Variants in JMJD1C observed in about 807,000 individuals in gnomAD.
JMJD1C encodes the protein jumonji domain containing 1C, also known as jumonji domain-containing protein 1C.
Under a neutral mutation model 245.3 loss-of-function variants are expected in JMJD1C, and 31 were observed. The observed-to-expected ratio is 0.13, with a 90% confidence interval of 0.09 to 0.17. The LOEUF is 0.17. Among genes scored for constraint, JMJD1C ranks in the 10% least tolerant of loss-of-function variants. The pLI, the probability that JMJD1C is intolerant of heterozygous loss-of-function variation, is 1.00. For synonymous variants in JMJD1C, 1,057 were observed against 1,017.4 expected (o/e 1.04, Z -0.74); for missense variants, 2,691 against 3,000.2 (o/e 0.90, Z 2.41).
intron 1 of JMJD1C, among the ~76,000 whole-genome samples, chr10:63,426,384 G>C (rs992951293): frequency 3.3e-5 from 5 of 151,980 alleles, no homozygotes; most frequent in African/African-American, 1.2e-4. Context: ...AAACGTAAGA[G>C]ACTGTATTAC....
chr10:63,248,858 A>G (rs1852650147), intron 3 of JMJD1C, among the ~76,000 whole-genome samples: 1 of 152,256 alleles, frequency 6.6e-6, no homozygotes, highest in African/African-American at 2.4e-5. Context: ...GATATAGGAA[A>G]TGTGGTATAC....
At chr10:63,409,515 A>G (rs925390063) in intron 1 of JMJD1C, among the ~76,000 whole-genome samples, 3 of 152,342 alleles carry the variant, frequency 2.0e-5, no homozygotes, top group East Asian at 1.9e-4. Context: ...AGTAAAAACT[A>G]TATTTTACAT....
rs904199841 is a variant in JMJD1C at position 63,521,540 on chromosome 10, G to A, written n.113+198C>T. 5.8e-6 allele frequency: 8 copies of A among 1,386,520 alleles called. No homozygotes were observed. The African/African-American group carries it at 7.6e-5, about 13-fold the overall frequency. 85.9% of individuals were successfully genotyped at this position (1,386,520 alleles called of 1,614,324 possible). ...CCCCGGACGTGGGGCCCAAGCCCCC[G>A]TGAAGATGGTGTCCTGGATGATCTC... On this transcript the variant is annotated intron_variant and non_coding_transcript_variant, in intron 1 of 3. Coordinates refer to the JMJD1C transcript ENST00000633035.
At chr10:63,184,037 C>T (rs1312238782) in intron 21 of JMJD1C, among the ~76,000 whole-genome samples, 1 of 97,332 alleles carries the variant, frequency 1.0e-5, no homozygotes, top group African/African-American at 2.8e-5. Flanking sequence ...AAGCAATTCT[C>T]CTGCCTCAGC....
chr10:63,295,465 T>A (rs1476131323), intron 2 of JMJD1C, among the ~76,000 whole-genome samples: 3 of 152,126 alleles, frequency 2.0e-5, no homozygotes, highest in Non-Finnish European at 4.4e-5. Flanking sequence ...CAATTAGTGT[T>A]TCAAGCCTAT....
rs1950400784 is a variant in JMJD1C, at chr10:63,425,707, A to AGCTACTTG, written c.168+39787_168+39788insCAAGTAGC. Among the ~76,000 whole-genome samples the AGCTACTTG allele has an allele frequency of 2.0e-5, 3 of 152,336 alleles. No individual in the cohort carries two copies. In the South Asian group the frequency reaches 6.2e-4, roughly 32 times the overall value. ...TAAGGTGGGAGGACTGCTTAGGCCC[A>AGCTACTTG]GGAGGAGAAGGTGGCAGTGAGCCAA... On this transcript the variant is annotated intron_variant, in intron 1 of 25. Coordinates refer to ENST00000399262, the MANE Select transcript of JMJD1C (RefSeq NM_032776.3).
intron 2 of JMJD1C, among the ~76,000 whole-genome samples, chr10:63,316,066 G>A (rs890198019): frequency 2.6e-5 from 4 of 152,040 alleles, no homozygotes; most frequent in African/African-American, 9.7e-5. Context: ...CATCTACTTG[G>A]GAGGGTAATG....
intron 1 of JMJD1C, among the ~76,000 whole-genome samples, chr10:63,513,854 A>G (rs777192330): frequency 2.0e-5 from 3 of 152,150 alleles, no homozygotes; most frequent in Non-Finnish European, 4.4e-5. Flanking sequence ...TGGAGCGTGC[A>G]GTGAGCCGAG....
chr10:63,276,894 T>TTTTTTTC, intron 2 of JMJD1C, among the ~76,000 whole-genome samples: 1 of 123,894 alleles, frequency 8.1e-6, no homozygotes, highest in Non-Finnish European at 1.7e-5. Context: ...CTTTTTTTTT[T>TTTTTTTC]TTTTTTTTGA....
At position 63,234,509 on chromosome 10, in the gene JMJD1C, A is replaced by AC. The variant is rs1395013657; in HGVS notation, c.448-14527_448-14526insG. Among the ~76,000 whole-genome samples, 155 of 149,764 alleles carry AC rather than the reference A, an allele frequency of 1.0e-3. 1 individual carries two copies. The highest frequency in any genetic ancestry group is 3.3e-3 in the African/African-American group (135 of 40,732). On this transcript the variant is annotated intron_variant, in intron 3 of 25. Transcript: ENST00000399262. ...ACCTCCTCTTAAAAAAAAAAAAAAA[A>AC]AAAAAAAAAAAACACCAAAAACAAA...
intron 2 of JMJD1C, among the ~76,000 whole-genome samples, chr10:63,311,819 A>G (rs1939239772): frequency 6.6e-6 from 1 of 152,170 alleles, no homozygotes; most frequent in African/African-American, 2.4e-5. Flanking sequence ...GTACAAGAAC[A>G]CTTTTATTTC....
rs71025159 is a variant in JMJD1C, at chr10:63,335,031, T to TAA, written c.333+45285_333+45286dup. 3.7e-5 allele frequency among the ~76,000 whole-genome samples: 5 copies of TAA among 136,378 alleles called. No homozygotes were observed. The South Asian group carries it at 1.1e-3, about 31-fold the overall frequency. The allele number at this position is 136,378 out of a possible 152,430, so 89.5% of individuals were successfully genotyped here. A position where few individuals can be genotyped will look rare whatever the true frequency, so the allele number is the denominator to read the frequency against. On this transcript the variant is annotated intron_variant, in intron 2 of 25. Coordinates refer to ENST00000399262, the MANE Select transcript of JMJD1C (RefSeq NM_032776.3). ...CCAAGACTCTGTCTTTGGAAAAAAA[T>TAA]AAAAAAAAAAAAAAATATTGTTCCT...
At chr10:63,202,432 C>G in intron 10 of JMJD1C, 1 of 985,412 alleles carries the variant, frequency 1.0e-6, no homozygotes, top group Non-Finnish European at 1.2e-6. Flanking sequence ...CTTGTGTTTT[C>G]TAATCATGCC....
intron 1 of JMJD1C, among the ~76,000 whole-genome samples, chr10:63,419,836 A>T (rs1021598372): frequency 1.0e-4 from 7 of 68,996 alleles, no homozygotes; most frequent in African/African-American, 1.6e-4. Context: ...CCATGAAATA[A>T]AAAAAAAAAA....
chr10:63,346,644 AATTCTCT>A (rs1293154957), intron 2 of JMJD1C, among the ~76,000 whole-genome samples: 1 of 152,106 alleles, frequency 6.6e-6, no homozygotes, highest in African/African-American at 2.4e-5. Context: ...TCTGTCCGTA[AATTCTCT>A]AAGACCATGC....
intron 3 of JMJD1C, among the ~76,000 whole-genome samples, chr10:63,235,089 A>G (rs1437075050): frequency 6.6e-6 from 1 of 152,218 alleles, no homozygotes; most frequent in Non-Finnish European, 1.5e-5. Context: ...CTTAGAAAGC[A>G]CCAGGTAAAA....
Position 63,370,589 on chromosome 10 carries a change from G to A in JMJD1C, c.333+9729C>T, listed in dbSNP as rs147036823. The stretch of plus-strand genomic sequence containing the variant: ...CTGCTATTTTCCCCCCAATTCTAAC[G>A]TTCAAGCCATGCAAATCTAGAAGTA... On this transcript the variant is annotated intron_variant, in intron 2 of 25. Coordinates refer to ENST00000399262, the MANE Select transcript of JMJD1C (RefSeq NM_032776.3). Among the ~76,000 whole-genome samples, 494 of 152,166 alleles carry A rather than the reference G, an allele frequency of 3.2e-3. 2 individuals carry two copies. Among genetic ancestry groups the A allele is most frequent in the African/African-American group, 0.011 (476 of 41,488 alleles).
chr10:63,399,620 C>G (rs1471914873), intron 1 of JMJD1C, among the ~76,000 whole-genome samples: 1 of 152,092 alleles, frequency 6.6e-6, no homozygotes, highest in African/African-American at 2.4e-5. Flanking sequence ...AATACTAACA[C>G]TATGATTAAA....
chr10:63,191,155 G>C, intron 16 of JMJD1C, 47 bp from the exon 17 acceptor site: 1 of 1,459,338 alleles, frequency 6.9e-7, no homozygotes. Context: ...GTTTTGAGAC[G>C]GAGTCTCATT....
Sources: allele counts gnomAD v4.1 joint callset (sites outside exome capture counted in the v4.1 genomes callset), GRCh38; gene constraint gnomAD v4.1.1; transcripts MANE v1.5; gene names NCBI Gene and HGNC (gene_info 2026-07-23, HGNC 2026-07-21).